Variants in FMNL2 observed in about 807,000 individuals in gnomAD.
FMNL2 encodes formin-like protein 2.
In FMNL2, 51 loss-of-function variants were observed where a neutral mutation model predicts 130.2. The observed-to-expected ratio is 0.39, with a 90% CI of 0.31 to 0.49. The LOEUF (loss-of-function observed/expected upper bound fraction) is 0.49. FMNL2 is among the 20% of genes least tolerant of loss of function. The pLI is 0.85. For missense variants in FMNL2, 977 were observed against 1,316.2 expected (o/e 0.74, Z 3.99); for synonymous variants, 465 against 467.1 (o/e 1.00, Z 0.06).
chr2:152,555,761 G>T (rs561708659), intron 4 of FMNL2, among the ~76,000 whole-genome samples: 1 of 152,320 alleles, frequency 6.6e-6, no homozygotes, highest in South Asian at 2.1e-4. Context: ...GAAGTTATGC[G>T]TTCTGTCAGA....
chr2:152,432,152 G>A (rs1205948184), intron 1 of FMNL2, among the ~76,000 whole-genome samples: 2 of 151,666 alleles, frequency 1.3e-5, no homozygotes, highest in African/African-American at 4.8e-5. Context: ...AAGAAAAATG[G>A]GCCCACAGGC....
At chr2:152,639,265 T>C (rs1682884179) in intron 23 of FMNL2, among the ~76,000 whole-genome samples, 1 of 152,242 alleles carries the variant, frequency 6.6e-6, no homozygotes, top group African/African-American at 2.4e-5. Context: ...GTAAACTTTA[T>C]TACTGATAAC....
rs972613762 is a variant in FMNL2, at chr2:152,359,880, G to A, written c.117+24160G>A. Among the ~76,000 whole-genome samples, 5 of 152,248 alleles carry A rather than the reference G, an allele frequency of 3.3e-5. No homozygotes were observed. The South Asian group carries it at 6.2e-4, about 19-fold the overall frequency. ...TCTCAGAACAATCCTACGGTATTTA[G>A]TATTTACTTAGCAAGTAGTTGAGGG... is the stretch of plus-strand genomic sequence containing the variant. On this transcript the variant is annotated intron_variant, in intron 1 of 25. Coordinates refer to ENST00000288670, the MANE Select transcript of FMNL2 (RefSeq NM_052905.4).
intron 1 of FMNL2, among the ~76,000 whole-genome samples, chr2:152,380,806 G>A (rs1024521006): frequency 7.2e-5 from 11 of 152,176 alleles, no homozygotes; most frequent in African/African-American, 2.7e-4. Context: ...GGCTAGAGCT[G>A]CATTATAGCT....
chr2:152,381,810 C>CTTTTTTT (rs3047878), intron 1 of FMNL2, among the ~76,000 whole-genome samples: 6 of 149,910 alleles, frequency 4.0e-5, no homozygotes, highest in Non-Finnish European at 4.4e-5. Context: ...CAAAGCAGAA[C>CTTTTTTT]TTTTTTTTTT....
chr2:152,412,830 G>A (rs2106008133), intron 1 of FMNL2, among the ~76,000 whole-genome samples: 2 of 151,970 alleles, frequency 1.3e-5, no homozygotes, highest in Admixed American at 1.3e-4. Flanking sequence ...AACTGAAATG[G>A]AAATTATTTC....
chr2:152,563,011 A>G (rs1695619080), intron 6 of FMNL2, among the ~76,000 whole-genome samples: 2 of 152,168 alleles, frequency 1.3e-5, no homozygotes, highest in Non-Finnish European at 2.9e-5. Context: ...TATTTTTTCC[A>G]GTAGAGCAGA....
intron 3 of FMNL2, among the ~76,000 whole-genome samples, chr2:152,546,862 T>C (rs1196295067): frequency 1.3e-5 from 2 of 151,992 alleles, no homozygotes; most frequent in South Asian, 4.2e-4. Context: ...TCTCCTCTAC[T>C]CTATTCCTAA....
At chr2:152,387,411 CG>C (rs1684845530) in intron 1 of FMNL2, among the ~76,000 whole-genome samples, 2 of 152,098 alleles carry the variant, frequency 1.3e-5, no homozygotes, top group African/African-American at 4.8e-5. Flanking sequence ...TTGTTGAGTA[CG>C]GAGTGTGATT....
chr2:152,371,595 G>T (rs145542446), intron 1 of FMNL2, among the ~76,000 whole-genome samples: 2 of 150,952 alleles, frequency 1.3e-5, no homozygotes, highest in Non-Finnish European at 3.0e-5. Flanking sequence ...CTTGAACCTG[G>T]GAGGCAGAGG....
At chr2:152,448,155 T>G (rs1216219583) in intron 1 of FMNL2, among the ~76,000 whole-genome samples, 1 of 152,018 alleles carries the variant, frequency 6.6e-6, no homozygotes, top group Non-Finnish European at 1.5e-5. Context: ...GGGAGCTGCT[T>G]AAAGATTTTG....
chr2:152,362,434 A>G (rs761572154), intron 1 of FMNL2, among the ~76,000 whole-genome samples: 2 of 152,184 alleles, frequency 1.3e-5, no homozygotes, highest in Non-Finnish European at 2.9e-5. Context: ...TCCTAGTAAC[A>G]GAGGTAAAAT....
intron 3 of FMNL2, among the ~76,000 whole-genome samples, chr2:152,547,843 G>A (rs916891326): frequency 3.9e-5 from 6 of 152,162 alleles, no homozygotes; most frequent in Non-Finnish European, 7.4e-5. Flanking sequence ...GTTCAGGTTC[G>A]TAGCACAGAT....
chr2:152,582,190 A>C (rs1391264397), intron 9 of FMNL2, among the ~76,000 whole-genome samples: 3 of 152,168 alleles, frequency 2.0e-5, no homozygotes, highest in Admixed American at 6.5e-5. Flanking sequence ...AAATGTGTTG[A>C]AGTTGTGGCC....
chr2:152,504,250 C>CT (rs1331602161), intron 1 of FMNL2, among the ~76,000 whole-genome samples: 2 of 150,150 alleles, frequency 1.3e-5, no homozygotes, highest in East Asian at 3.9e-4. Context: ...TACCCACATG[C>CT]AGGGAGGCTT....
intron 1 of FMNL2, among the ~76,000 whole-genome samples, chr2:152,408,048 C>T (rs557594106): frequency 1.3e-5 from 2 of 152,202 alleles, no homozygotes; most frequent in South Asian, 4.1e-4. Flanking sequence ...CATATGGGGG[C>T]TGGAAGGTGG....
chr2:152,364,632 C>T (rs1314117593), intron 1 of FMNL2, among the ~76,000 whole-genome samples: 6 of 152,114 alleles, frequency 3.9e-5, no homozygotes, highest in African/African-American at 1.4e-4. Flanking sequence ...CTTTTCCTGG[C>T]AAAATGGTAA....
chr2:152,558,592 C>T, intron 4 of FMNL2, 148 bp from the exon 5 acceptor site: 1 of 643,184 alleles, frequency 1.6e-6, no homozygotes, highest in Non-Finnish European at 2.6e-6. Flanking sequence ...GCTCCTGCCT[C>T]ATGTGAAGTA....
intron 1 of FMNL2, among the ~76,000 whole-genome samples, chr2:152,336,741 C>T (rs1681486115): frequency 6.6e-6 from 1 of 152,282 alleles, no homozygotes; most frequent in African/African-American, 2.4e-5. Flanking sequence ...GGGACACACA[C>T]AGGCGAGATT....
Sources: allele counts gnomAD v4.1 joint callset (sites outside exome capture counted in the v4.1 genomes callset), GRCh38; gene constraint gnomAD v4.1.1; transcripts MANE v1.5; gene names NCBI Gene and HGNC (gene_info 2026-07-23, HGNC 2026-07-21).